Variants in PPP3R1 observed in about 807,000 individuals in gnomAD.
PPP3R1 encodes protein phosphatase 3 regulatory subunit B, alpha, also known as calcineurin subunit B type 1.
A neutral mutation model predicts 22.6 loss-of-function variants in PPP3R1; 5 were observed. The observed-to-expected ratio is 0.22, with a 90% confidence interval of 0.12 to 0.46. The LOEUF is 0.46. Ranked by LOEUF, PPP3R1 falls within the 20% of genes least tolerant of loss-of-function variation. PPP3R1 has a pLI of 0.99. For missense variants in PPP3R1, 61 were observed against 203.2 expected (o/e 0.30, Z 4.25); for synonymous variants, 56 against 65.2 (o/e 0.86, Z 0.68).
At chr2:68,219,456 T>C (rs764914465) in intron 1 of PPP3R1, among the ~76,000 whole-genome samples, 3 of 152,226 alleles carry the variant, frequency 2.0e-5, no homozygotes, top group African/African-American at 4.8e-5. Context: ...GTTCAGCTTC[T>C]TAAGCTACTA....
intron 2 of PPP3R1, among the ~76,000 whole-genome samples, chr2:68,195,401 A>G (rs1558629776): frequency 6.6e-6 from 1 of 152,112 alleles, no homozygotes; most frequent in Non-Finnish European, 1.5e-5. Flanking sequence ...TGACATCAAT[A>G]TGTCTTATTA....
intron 2 of PPP3R1, among the ~76,000 whole-genome samples, chr2:68,215,135 T>A (rs1271391484): frequency 6.6e-6 from 1 of 151,958 alleles, no homozygotes; most frequent in East Asian, 1.9e-4. Context: ...TACTTGACAG[T>A]GGAGGGTGGG....
rs575198474 is a variant in PPP3R1, at chr2:68,233,856, A to T, written c.4-16725T>A. ...TTTTTTTGTAGGTAGAAACTAATGG[A>T]TCTAGAAAGTAATCCTTAAAAGTTA... On this transcript the variant is annotated intron_variant, in intron 1 of 5. Transcript: ENST00000234310. Among the ~76,000 whole-genome samples, 6 of 152,318 alleles carry T rather than the reference A, an allele frequency of 3.9e-5. No homozygotes were observed. The East Asian group carries it at 1.2e-3, about 29-fold the overall frequency.
rs201459893 is a variant in PPP3R1, at chr2:68,251,307, GAC to G, written c.3+816_3+817del. Among the ~76,000 whole-genome samples, 1,449 of 152,186 alleles carry G rather than the reference GAC, an allele frequency of 9.5e-3. 24 individuals carry two copies. The highest frequency in any genetic ancestry group is 0.033 in the African/African-American group (1,365 of 41,510). ...AGGGATTAATGTGAGGGTAAGGAAAGACAAATTAAAATCGCCATGATTCAAAA... is the reference window on the plus strand; with the variant it reads ...AGGGATTAATGTGAGGGTAAGGAAAGAAATTAAAATCGCCATGATTCAAAA... On this transcript the variant is annotated intron_variant, in intron 1 of 5. Coordinates refer to ENST00000234310, the MANE Select transcript of PPP3R1 (RefSeq NM_000945.4).
At chr2:68,227,966 T>C (rs1669819460) in intron 1 of PPP3R1, among the ~76,000 whole-genome samples, 2 of 152,308 alleles carry the variant, frequency 1.3e-5, no homozygotes, top group South Asian at 2.1e-4. Flanking sequence ...ATTCTTTTCC[T>C]GCATTACTGC....
At chr2:68,242,424 TAAAAA>T (rs879324913) in intron 1 of PPP3R1, among the ~76,000 whole-genome samples, 1 of 127,988 alleles carries the variant, frequency 7.8e-6, no homozygotes, top group African/African-American at 2.9e-5. Flanking sequence ...AGACTCCGTC[TAAAAA>T]AAAAAAAAAG....
chr2:68,241,122 C>G (rs971700844), intron 1 of PPP3R1, among the ~76,000 whole-genome samples: 1 of 151,500 alleles, frequency 6.6e-6, no homozygotes, highest in African/African-American at 2.4e-5. Context: ...CATTTCCCCA[C>G]CCCCACCTCT....
chr2:68,180,787 G>A lies in PPP3R1; in HGVS notation c.*176C>T. 3.2e-6 allele frequency: 2 copies of A among 622,132 alleles called. No homozygotes were observed. The highest frequency in any genetic ancestry group is 5.7e-6 in the Non-Finnish European group (2 of 353,290). 38.5% of individuals were successfully genotyped at this position (622,132 alleles called of 1,614,324 possible). The stretch of plus-strand genomic sequence containing the variant: ...TTAAAGTGCTACACTGAGTTATTGA[G>A]AGAATTACAGTTCAATAACACTTAG... On this transcript the variant is annotated 3_prime_UTR_variant, in exon 6 of 6. Coordinates refer to ENST00000234310, the MANE Select transcript of PPP3R1 (RefSeq NM_000945.4).
chr2:68,198,391 A>ACGTATATATGCG lies in PPP3R1; in HGVS notation c.44-9702_44-9701insCGCATATATACG. Among the ~76,000 whole-genome samples, 4 of 123,490 alleles carry ACGTATATATGCG rather than the reference A, an allele frequency of 3.2e-5. 1 individual carries two copies. The highest frequency in any genetic ancestry group is 1.4e-4 in the African/African-American group (4 of 28,156). The allele number at this position is 123,490 out of a possible 152,430, so 81.0% of individuals were successfully genotyped here. A position where few individuals can be genotyped will look rare whatever the true frequency, so the allele number is the denominator to read the frequency against. ...TATATGTACATGTATATGCATATAT[A>ACGTATATATGCG]TGTATATATATGTGTATGTATATGC... On this transcript the variant is annotated intron_variant, in intron 2 of 5. Transcript: ENST00000234310.
rs1166394483 is a variant in PPP3R1, at chr2:68,207,126, AT to A, written c.43+9965del. On this transcript the variant is annotated intron_variant, in intron 2 of 5. Transcript: ENST00000234310. ...GGAAAAAAAAAAGCAAAAAAAAAAAATTACTACAATGTGTGGGTGAACAAAA... is the reference window on the plus strand; with the variant it reads ...GGAAAAAAAAAAGCAAAAAAAAAAAATACTACAATGTGTGGGTGAACAAAA... Among the ~76,000 whole-genome samples, 235 of 151,678 alleles carry A rather than the reference AT, an allele frequency of 1.5e-3. 1 individual carries two copies. Among genetic ancestry groups the A allele is most frequent in the African/African-American group, 5.4e-3 (222 of 41,386 alleles).
chr2:68,228,220 C>T (rs902558406), intron 1 of PPP3R1, among the ~76,000 whole-genome samples: 2 of 152,196 alleles, frequency 1.3e-5, no homozygotes, highest in South Asian at 2.1e-4. Context: ...GTGAACCAGC[C>T]TTGCACCCAT....
chr2:68,235,694 G>A (rs1670007040), intron 1 of PPP3R1, among the ~76,000 whole-genome samples: 1 of 151,922 alleles, frequency 6.6e-6, no homozygotes, highest in African/African-American at 2.4e-5. Context: ...CATTTCACAT[G>A]TTTCATTTCT....
chr2:68,243,523 AG>A (rs1670171460), intron 1 of PPP3R1, among the ~76,000 whole-genome samples: 1 of 152,190 alleles, frequency 6.6e-6, no homozygotes, highest in Non-Finnish European at 1.5e-5. Flanking sequence ...ATTATACTTC[AG>A]AAGCTATTTT....
chr2:68,235,202 T>G (rs1341776152), intron 1 of PPP3R1, among the ~76,000 whole-genome samples: 1 of 152,226 alleles, frequency 6.6e-6, no homozygotes. Flanking sequence ...TTTTGTTTTA[T>G]TACCGCTTTA....
chr2:68,225,392 GA>G (rs1473174292), intron 1 of PPP3R1, among the ~76,000 whole-genome samples: 7 of 152,194 alleles, frequency 4.6e-5, no homozygotes, highest in African/African-American at 9.7e-5. Context: ...GCCTGACGGG[GA>G]TAAGAGTGAC....
intron 2 of PPP3R1, among the ~76,000 whole-genome samples, chr2:68,216,876 TAAA>T (rs1227325233): frequency 1.3e-5 from 2 of 152,024 alleles, no homozygotes; most frequent in Admixed American, 1.3e-4. Flanking sequence ...ATATGAGTAA[TAAA>T]GAAGTCTATT....
chr2:68,196,731 C>T (rs754849257), intron 2 of PPP3R1, among the ~76,000 whole-genome samples: 2 of 151,762 alleles, frequency 1.3e-5, no homozygotes, highest in Non-Finnish European at 2.9e-5. Context: ...AATAAAAATG[C>T]TATTTTTTTT....
At chr2:68,199,491 C>A (rs1239879980) in intron 2 of PPP3R1, among the ~76,000 whole-genome samples, 1 of 152,098 alleles carries the variant, frequency 6.6e-6, no homozygotes, top group Non-Finnish European at 1.5e-5. Context: ...TCAAATACAA[C>A]GTTGATTAGA....
intron 1 of PPP3R1, among the ~76,000 whole-genome samples, chr2:68,243,687 T>A (rs565962003): frequency 6.6e-6 from 1 of 152,136 alleles, no homozygotes; most frequent in Non-Finnish European, 1.5e-5. Flanking sequence ...ACAACCTCTA[T>A]CACTATAAAA....
Sources: allele counts gnomAD v4.1 joint callset (sites outside exome capture counted in the v4.1 genomes callset), GRCh38; gene constraint gnomAD v4.1.1; transcripts MANE v1.5; gene names NCBI Gene and HGNC (gene_info 2026-07-23, HGNC 2026-07-21).